ERBIN: variants seen among roughly 807,000 people sequenced by gnomAD.
ERBIN encodes erbb2 interacting protein, also known as densin-180-like protein.
A neutral mutation model predicts 158.4 loss-of-function variants in ERBIN; 60 were observed. The ratio of observed to expected loss-of-function variants is 0.38; its 90% CI spans 0.31 to 0.47. ERBIN has a LOEUF of 0.47. ERBIN is among the 20% of genes least tolerant of loss of function. The pLI, the probability that ERBIN is intolerant of heterozygous loss-of-function variation, is 0.99. For synonymous variants in ERBIN, 594 were observed against 557.2 expected (o/e 1.07, Z -0.93); for missense variants, 1,610 against 1,648.0 (o/e 0.98, Z 0.40).
At position 66,008,375 on chromosome 5, in the gene ERBIN, C is replaced by T. The variant is rs538130936; in HGVS notation, c.308-3674C>T. On this transcript the variant is annotated intron_variant, in intron 4 of 25. Transcript: ENST00000284037. Reference sequence around the variant, plus strand: ...CGGAGCTTGCAGTGAGCTGAGATCGCGCCACTGCACTCCAGTCTGGGCAAC... The same window carrying T: ...CGGAGCTTGCAGTGAGCTGAGATCGTGCCACTGCACTCCAGTCTGGGCAAC... Among the ~76,000 whole-genome samples the T allele has an allele frequency of 5.3e-5, 8 of 152,180 alleles. No individual in the cohort carries two copies. The East Asian group carries it at 1.2e-3, about 22-fold the overall frequency.
At chr5:65,994,006 A>G in intron 3 of ERBIN, among the ~76,000 whole-genome samples, 1 of 152,166 alleles carries the variant, frequency 6.6e-6, no homozygotes. Context: ...ATACTGGATG[A>G]CAGTATGCAA....
In ERBIN at chr5:66,081,366, ACTTAATT is replaced by A. The variant is rs1488745456; in HGVS notation, c.*2840_*2846del. On this transcript the variant is annotated 3_prime_UTR_variant, in exon 26 of 26. Transcript: ENST00000284037. ...TGGATATGAAGATATATATATATAC[ACTTAATT>A]CTTTTAAACACAAAACTTGCCATAA... The A allele has an allele frequency of 1.3e-5, 2 of 152,052 alleles. No individual in the cohort carries two copies. The highest frequency in any genetic ancestry group is 2.9e-5 in the Non-Finnish European group (2 of 67,906). 9.4% of individuals were successfully genotyped at this position (152,052 alleles called of 1,614,324 possible).
intron 15 of ERBIN, among the ~76,000 whole-genome samples, chr5:66,041,531 C>G (rs1757916411): frequency 6.6e-6 from 1 of 151,908 alleles, no homozygotes; most frequent in Non-Finnish European, 1.5e-5. Context: ...AGGGATATTA[C>G]CTGATATCCT....
At position 66,053,523 on chromosome 5, in the gene ERBIN, G is replaced by T; in HGVS notation, c.2205G>T (p.Leu735Phe). 6.2e-7 allele frequency: 1 copy of T among 1,610,996 alleles called. No individual in the cohort carries two copies. The highest frequency in any genetic ancestry group is 8.5e-7 in the Non-Finnish European group (1 of 1,179,126). Residue 735 changes from leucine to phenylalanine, a missense_variant, in exon 21 of 26, where the codon TTG becomes TTT. Leu to Phe is a conservative substitution (Grantham distance 22). Around this residue, in one of 2 missense-constraint regions of ERBIN, gnomAD observed 1,014 missense variants for 936.1 expected, o/e 1.08. Transcript: ENST00000284037. Reference protein sequence around the residue: ...KKDFNLPEYDLNVEERLVLIE... With the variant: ...KKDFNLPEYDFNVEERLVLIE... ...ATTTTAACTTACCTGAATATGATTT[G>T]AATGTTGAAGAGCGATTAGTTCTAA...
At chr5:65,987,235 G>A (rs1751328844) in intron 1 of ERBIN, among the ~76,000 whole-genome samples, 1 of 152,030 alleles carries the variant, frequency 6.6e-6, no homozygotes, top group African/African-American at 2.4e-5. Context: ...TTACTGCCCT[G>A]AATAGTCTAG....
At chr5:66,002,584 T>C (rs1207923499) in intron 4 of ERBIN, among the ~76,000 whole-genome samples, 1 of 152,216 alleles carries the variant, frequency 6.6e-6, no homozygotes, top group African/African-American at 2.4e-5. Flanking sequence ...TTCTGTCTAA[T>C]ATGGCAATAC....
intron 1 of ERBIN, among the ~76,000 whole-genome samples, chr5:65,937,613 T>C (rs550975774): frequency 1.3e-5 from 2 of 152,306 alleles, no homozygotes; most frequent in South Asian, 4.1e-4. Context: ...TATCAGCTTC[T>C]AAAAATAATT....
intron 7 of ERBIN, among the ~76,000 whole-genome samples, chr5:66,017,992 G>C (rs1266883097): frequency 6.6e-6 from 1 of 152,060 alleles, no homozygotes; most frequent in Non-Finnish European, 1.5e-5. Context: ...TGACTTGGCT[G>C]TAAATGCATG....
chr5:65,993,459 C>G (rs1752096954), intron 3 of ERBIN, among the ~76,000 whole-genome samples: 2 of 152,158 alleles, frequency 1.3e-5, no homozygotes, highest in Middle Eastern at 3.4e-3. Context: ...CATGAAACAC[C>G]TTCTCAAGTT....
intron 1 of ERBIN, among the ~76,000 whole-genome samples, chr5:65,961,861 T>C (rs1190337916): frequency 6.6e-6 from 1 of 152,180 alleles, no homozygotes; most frequent in African/African-American, 2.4e-5. Flanking sequence ...ATTCCTGTGC[T>C]GGTATCATGG....
intron 4 of ERBIN, among the ~76,000 whole-genome samples, chr5:65,998,437 A>G (rs1752678481): frequency 6.6e-6 from 1 of 151,864 alleles, no homozygotes; most frequent in South Asian, 2.1e-4. Context: ...TTCAGTTCAC[A>G]ATAACTAATA....
intron 1 of ERBIN, among the ~76,000 whole-genome samples, chr5:65,928,643 G>A (rs887769695): frequency 3.9e-5 from 6 of 152,216 alleles, no homozygotes; most frequent in African/African-American, 1.4e-4. Flanking sequence ...AGAGTAGTAT[G>A]TTTCGATGCA....
At position 66,046,472 on chromosome 5, in the gene ERBIN, A is replaced by G. The variant is rs759615423; in HGVS notation, c.1722A>G (p.Pro574=). The change falls in exon 18 of 26, where the codon CCA becomes CCG. Residue 574 remains proline, a synonymous_variant. Transcript: ENST00000284037. ...PEAEISPGSL[P]VTANMKASEN... ...CTGAGATTAGTCCTGGGAGTTTACCAGTGACTGCAAATATGAAAGCCTCTG... is the reference window on the plus strand; with the variant it reads ...CTGAGATTAGTCCTGGGAGTTTACCGGTGACTGCAAATATGAAAGCCTCTG... 23 of 1,611,720 alleles carry G rather than the reference A, an allele frequency of 1.4e-5. No individual in the cohort carries two copies. The highest frequency in any genetic ancestry group is 2.2e-5 in the East Asian group (1 of 44,828).
rs59549478 is a variant in ERBIN at position 66,075,327 on chromosome 5, G to A, written c.3963+97G>A. The A allele has an allele frequency of 4.1e-4, 404 of 985,928 alleles. 3 individuals are homozygous for A. The African/African-American group carries it at 6.0e-3, about 15-fold the overall frequency. 61.1% of individuals were successfully genotyped at this position (985,928 alleles called of 1,614,324 possible). On this transcript the variant is annotated intron_variant, in intron 23 of 25. Coordinates refer to ENST00000284037, the MANE Select transcript of ERBIN (RefSeq NM_001253697.2). ...TAGTAAATCCATACAGAATATTAAC[G>A]TAGTTATTACCATTTAAAGTTTTAT...
At chr5:65,937,104 T>C (rs1744183649) in intron 1 of ERBIN, among the ~76,000 whole-genome samples, 1 of 152,234 alleles carries the variant, frequency 6.6e-6, no homozygotes, top group Non-Finnish European at 1.5e-5. Context: ...CTTTTAGGTA[T>C]AGTACATATA....
intron 1 of ERBIN, among the ~76,000 whole-genome samples, chr5:65,975,762 G>A (rs952564630): frequency 5.9e-5 from 9 of 152,224 alleles, no homozygotes; most frequent in African/African-American, 2.2e-4. Context: ...AAAGGCAGCA[G>A]AGTAATGGGT....
At position 66,054,364 on chromosome 5, in the gene ERBIN, A is replaced by C. The variant is rs1431508394; in HGVS notation, c.3046A>C (p.Thr1016Pro). The change falls in exon 21 of 26, where the codon ACA (threonine) becomes CCA (proline). Residue 1016 changes from threonine to proline, a missense_variant. Thr to Pro is a conservative substitution (Grantham distance 38). Coordinates refer to ENST00000284037, the MANE Select transcript of ERBIN (RefSeq NM_001253697.2). ...PPQLLPRSES[T>P]ENQSYAKHSA... ...TCAGCTCCTTCCTAGATCAGAGAGC[A>C]CAGAAAATCAAAGTTATGCTAAACA... 3 of 1,614,196 alleles carry C rather than the reference A, an allele frequency of 1.9e-6. No homozygotes were observed. The highest frequency in any genetic ancestry group is 2.7e-5 in the African/African-American group (2 of 75,044).
At chr5:65,955,265 T>TG (rs1444015856) in intron 1 of ERBIN, among the ~76,000 whole-genome samples, 6 of 152,188 alleles carry the variant, frequency 3.9e-5, no homozygotes, top group Non-Finnish European at 8.8e-5. Flanking sequence ...TGTGCTGAAT[T>TG]AGAAACACTG....
chr5:65,939,362 G>C (rs545597669), intron 1 of ERBIN, among the ~76,000 whole-genome samples: 67 of 152,146 alleles, frequency 4.4e-4, no homozygotes, highest in Non-Finnish European at 3.7e-4. Context: ...GCTTGAACCC[G>C]GGGGGCAGAG....
Sources: allele counts gnomAD v4.1 joint callset (sites outside exome capture counted in the v4.1 genomes callset), GRCh38; gene constraint gnomAD v4.1.1; regional missense constraint gnomAD v4.1.1; transcripts MANE v1.5; gene names NCBI Gene and HGNC (gene_info 2026-07-23, HGNC 2026-07-21).